The following PCDH15 variants were observed in gnomAD, a reference collection of about 807,000 sequenced individuals.
PCDH15 encodes protocadherin related 15, also known as protocadherin-15.
PCDH15 carries 129 observed loss-of-function variants against 178.5 expected under a neutral mutation model. The ratio of observed to expected loss-of-function variants is 0.72; its 90% CI spans 0.63 to 0.84. The LOEUF (loss-of-function observed/expected upper bound fraction) is 0.84. Among genes scored for constraint, PCDH15 ranks in the 40% least tolerant of loss-of-function variants. The pLI is 0.00. For missense variants in PCDH15, 2,230 were observed against 2,099.9 expected, an observed-to-expected ratio of 1.06 and a Z score of -1.21; for synonymous variants, 800 against 732.0, an observed-to-expected ratio of 1.09 and a Z score of -1.50.
intron 2 of PCDH15, among the ~76,000 whole-genome samples, chr10:54,654,051 T>C (rs972193905): frequency 6.6e-5 from 10 of 152,218 alleles, no homozygotes; most frequent in Non-Finnish European, 1.3e-4. Flanking sequence ...TTTATTATTG[T>C]CACCATTGTG....
chr10:55,272,638 C>T (rs1020153669), intron 1 of PCDH15, among the ~76,000 whole-genome samples: 4 of 151,996 alleles, frequency 2.6e-5, no homozygotes, highest in East Asian at 3.9e-4. Flanking sequence ...CCGCCCACCT[C>T]GGCCTCCCAA....
At chr10:55,602,816 T>G (rs186910090) in intron 2 of PCDH15, among the ~76,000 whole-genome samples, 124 of 152,234 alleles carry the variant, frequency 8.1e-4, no homozygotes, top group African/African-American at 2.9e-3. Context: ...CTGGAAACTC[T>G]AAAAAGCAGA....
intron 21 of PCDH15, among the ~76,000 whole-genome samples, chr10:53,980,596 A>C (rs1322302465): frequency 6.6e-6 from 1 of 152,200 alleles, no homozygotes; most frequent in Non-Finnish European, 1.5e-5. Context: ...AGGAAAAATT[A>C]ACTAACATCA....
At chr10:53,928,624 A>AT (rs2084780813) in intron 25 of PCDH15, among the ~76,000 whole-genome samples, 3 of 152,058 alleles carry the variant, frequency 2.0e-5, no homozygotes, top group Admixed American at 6.5e-5. Flanking sequence ...TAAGTGACTT[A>AT]ATAGATTCCA....
At chr10:53,904,758 G>A (rs771124758) in intron 25 of PCDH15, among the ~76,000 whole-genome samples, 1 of 152,120 alleles carries the variant, frequency 6.6e-6, no homozygotes, top group Non-Finnish European at 1.5e-5. Flanking sequence ...ATCATTTTTA[G>A]TTCAGTAGCA....
rs2132505993 is a variant in PCDH15, at chr10:53,823,010, C to T, written c.4368-2780G>A. 2.5e-6 allele frequency: 4 copies of T among 1,614,044 alleles called. No individual in the cohort carries two copies. Among genetic ancestry groups the T allele is most frequent in the Non-Finnish European group, 3.4e-6 (4 of 1,179,956 alleles). ...GTAAGCTGACTGACTGACTCCACAG[C>T]CTCTGAATCTTTTCTCTTGGGCCCC... On this transcript the variant is annotated intron_variant, in intron 32 of 37. Transcript: ENST00000644397.
chr10:54,470,121 C>A (rs1163809133), intron 3 of PCDH15, among the ~76,000 whole-genome samples: 2 of 152,250 alleles, frequency 1.3e-5, no homozygotes, highest in East Asian at 3.9e-4. Flanking sequence ...GATCCCCAAA[C>A]CCCCAACAGA....
chr10:53,839,878 A>T (rs2077536145), intron 29 of PCDH15, among the ~76,000 whole-genome samples: 1 of 152,206 alleles, frequency 6.6e-6, no homozygotes, highest in Non-Finnish European at 1.5e-5. Context: ...TAAGTTAAAG[A>T]AAAAAGCAGA....
At chr10:53,945,852 T>TACATCAC (rs2086513975) in intron 23 of PCDH15, among the ~76,000 whole-genome samples, 2 of 56,142 alleles carry the variant, frequency 3.6e-5, no homozygotes, top group Non-Finnish European at 8.8e-5. Flanking sequence ...TATATATATA[T>TACATCAC]ATATATATAT....
At chr10:55,503,857 A>G (rs11004891) in intron 2 of PCDH15, among the ~76,000 whole-genome samples, 49,481 of 151,164 alleles carry the variant, frequency 0.33, 8,563 homozygotes, top group East Asian at 0.51. Context: ...CTGTTTACAT[A>G]ACTAAATATA....
intron 15 of PCDH15, among the ~76,000 whole-genome samples, chr10:54,091,144 G>C (rs1337251800): frequency 6.6e-6 from 1 of 152,154 alleles, no homozygotes; most frequent in Non-Finnish European, 1.5e-5. Flanking sequence ...TTTTTCCAGT[G>C]AGTCATTCGA....
At chr10:55,264,847 A>G (rs568680164) in intron 1 of PCDH15, among the ~76,000 whole-genome samples, 3 of 152,286 alleles carry the variant, frequency 2.0e-5, no homozygotes, top group Admixed American at 2.0e-4. Flanking sequence ...GAACTTTTCT[A>G]TACATGTGAA....
intron 3 of PCDH15, among the ~76,000 whole-genome samples, chr10:54,429,398 T>C (rs1314219792): frequency 1.3e-5 from 2 of 151,988 alleles, no homozygotes; most frequent in Admixed American, 1.3e-4. Flanking sequence ...CCTCCACTAT[T>C]GTAAGAAAGG....
At chr10:55,403,017 T>A (rs1031808334) in intron 2 of PCDH15, among the ~76,000 whole-genome samples, 1 of 151,930 alleles carries the variant, frequency 6.6e-6, no homozygotes, top group African/African-American at 2.4e-5. Context: ...TCACTCTAAC[T>A]GGGGTAGGAG....
At position 53,961,140 on chromosome 10, in the gene PCDH15, T is replaced by C. The variant is rs114852193; in HGVS notation, c.3009+612A>G. ...AAGATTAACATAACAACAATCAGTATTGAGTGGTATTAGGAAAATGGATAC... is the reference window on the plus strand; with the variant it reads ...AAGATTAACATAACAACAATCAGTACTGAGTGGTATTAGGAAAATGGATAC... On this transcript the variant is annotated intron_variant, in intron 22 of 37. Coordinates refer to ENST00000644397, the MANE Select transcript of PCDH15 (RefSeq NM_001384140.1). Among the ~76,000 whole-genome samples, 340 of 150,072 alleles carry C rather than the reference T, an allele frequency of 2.3e-3. 2 individuals are homozygous for C. Among genetic ancestry groups the C allele is most frequent in the African/African-American group, 8.0e-3 (317 of 39,600 alleles).
chr10:54,284,010 T>A (rs886180755), intron 8 of PCDH15, among the ~76,000 whole-genome samples: 10 of 152,094 alleles, frequency 6.6e-5, no homozygotes, highest in South Asian at 4.1e-4. Context: ...TTTAAAAAAA[T>A]TTTTAACAGA....
At chr10:53,890,357 C>T (rs181526160) in intron 26 of PCDH15, among the ~76,000 whole-genome samples, 13 of 152,188 alleles carry the variant, frequency 8.5e-5, no homozygotes, top group Non-Finnish European at 1.9e-4. Flanking sequence ...AACCTGGAGG[C>T]GGAGGTTGCA....
chr10:54,159,108 C>CAAAAA (rs34942409), intron 13 of PCDH15, among the ~76,000 whole-genome samples: 15 of 125,634 alleles, frequency 1.2e-4, no homozygotes, highest in Admixed American at 8.2e-4. Flanking sequence ...GAGTCTGTCT[C>CAAAAA]AAAAAAAAAA....
At chr10:54,356,614 CTATT>C (rs1945021762) in intron 5 of PCDH15, among the ~76,000 whole-genome samples, 1 of 151,404 alleles carries the variant, frequency 6.6e-6, no homozygotes, top group South Asian at 2.1e-4. Context: ...CTCTATGTGA[CTATT>C]TATCAATTAG....
Sources: allele counts gnomAD v4.1 joint callset (sites outside exome capture counted in the v4.1 genomes callset), GRCh38; gene constraint gnomAD v4.1.1; transcripts MANE v1.5; gene names NCBI Gene and HGNC (gene_info 2026-07-23, HGNC 2026-07-21).